The following KCNIP1 variants were observed in gnomAD, a reference collection of about 807,000 sequenced individuals.
The protein encoded by KCNIP1 is potassium voltage-gated channel interacting protein 1.
Under a neutral mutation model 33.0 loss-of-function variants are expected in KCNIP1, and 18 were observed. The ratio of observed to expected loss-of-function variants is 0.55; its 90% confidence interval spans 0.38 to 0.81. The LOEUF is 0.81. Among genes scored for constraint, KCNIP1 ranks in the 30% least tolerant of loss-of-function variants. KCNIP1 has a pLI of 0.00. For synonymous variants in KCNIP1, 93 were observed against 98.3 expected, an observed-to-expected ratio of 0.95 and a Z score of 0.32; for missense variants, 238 against 271.6, an observed-to-expected ratio of 0.88 and a Z score of 0.87.
At chr5:170,681,638 G>T (rs1456330815) in intron 1 of KCNIP1, among the ~76,000 whole-genome samples, 1 of 152,214 alleles carries the variant, frequency 6.6e-6, no homozygotes, top group Non-Finnish European at 1.5e-5. Flanking sequence ...CACAGTGTCT[G>T]ACAATTAGAA....
At chr5:170,563,043 T>C (rs929616107) in intron 1 of KCNIP1, among the ~76,000 whole-genome samples, 23 of 152,108 alleles carry the variant, frequency 1.5e-4, no homozygotes, top group Non-Finnish European at 8.8e-5. Context: ...CAGATCTAGT[T>C]CCCCTCGTAC....
chr5:170,370,180 C>T lies in KCNIP1; in HGVS notation c.88+16216C>T, dbSNP rs116999752. 8.7e-4 allele frequency among the ~76,000 whole-genome samples: 133 copies of T among 152,218 alleles called. 1 individual carries two copies. In the East Asian group the frequency reaches 0.025, roughly 28 times the overall value. On this transcript the variant is annotated intron_variant, in intron 1 of 7. Coordinates refer to the KCNIP1 transcript ENST00000377360. ...GAAGTTGCTAGTAAGAAAAAGACGG[C>T]AGGAGGTAGTTCTCTGAGCCCAAAT...
chr5:170,522,791 A>T (rs963159869), intron 1 of KCNIP1, among the ~76,000 whole-genome samples: 1 of 152,234 alleles, frequency 6.6e-6, no homozygotes, highest in Non-Finnish European at 1.5e-5. Context: ...ATTCTCCCTG[A>T]TCTCTGTAAG....
chr5:170,570,534 C>T (rs1411334262), intron 1 of KCNIP1, among the ~76,000 whole-genome samples: 1 of 152,206 alleles, frequency 6.6e-6, no homozygotes. Context: ...CTTGCTCTCA[C>T]CCCTTGTTCC....
At chr5:170,521,677 T>C (rs1388186573) in intron 1 of KCNIP1, among the ~76,000 whole-genome samples, 1 of 152,174 alleles carries the variant, frequency 6.6e-6, no homozygotes, top group Admixed American at 6.5e-5. Flanking sequence ...ACACAAGAGA[T>C]GGTGTTTGAA....
At chr5:170,546,153 G>A (rs1044640558) in intron 1 of KCNIP1, among the ~76,000 whole-genome samples, 15 of 152,184 alleles carry the variant, frequency 9.9e-5, no homozygotes, top group African/African-American at 3.6e-4. Context: ...GCTAGTCTCT[G>A]TCTCCTCAGC....
intron 5 of KCNIP1, among the ~76,000 whole-genome samples, chr5:170,725,825 A>G (rs1763986576): frequency 6.6e-6 from 1 of 152,170 alleles, no homozygotes; most frequent in African/African-American, 2.4e-5. Context: ...TAAAAAATAA[A>G]TATTTTTTAA....
In KCNIP1 at chr5:170,427,982, T is replaced by C. The variant is rs77103517; in HGVS notation, c.88+74018T>C. On this transcript the variant is annotated intron_variant, in intron 1 of 7. Transcript: ENST00000377360. ...GTGTTGTTAGATGTACAAGTGTGAT[T>C]TCCCCTTTCCAGAATGCCTTCCTCT... Among the ~76,000 whole-genome samples the C allele has an allele frequency of 9.8e-5, 15 of 152,306 alleles. No homozygotes were observed. The East Asian group carries it at 2.9e-3, about 29-fold the overall frequency.
At chr5:170,618,516 AAGGGAGGG>A (rs1237246088) in intron 1 of KCNIP1, among the ~76,000 whole-genome samples, 1 of 77,984 alleles carries the variant, frequency 1.3e-5, no homozygotes, top group Non-Finnish European at 2.3e-5. Context: ...AGGAGGAAGG[AAGGGAGGG>A]AGGGAGGGAG....
chr5:170,640,156 G>T (rs1334742462), intron 1 of KCNIP1, among the ~76,000 whole-genome samples: 8 of 152,204 alleles, frequency 5.3e-5, no homozygotes, highest in Non-Finnish European at 1.0e-4. Context: ...CAGAGCTGGG[G>T]AACAGGGAGG....
At chr5:170,614,670 C>T (rs1485910453) in intron 1 of KCNIP1, among the ~76,000 whole-genome samples, 1 of 152,140 alleles carries the variant, frequency 6.6e-6, no homozygotes, top group African/African-American at 2.4e-5. Flanking sequence ...TGCAATCAGC[C>T]CTATCAGATT....
intron 1 of KCNIP1, among the ~76,000 whole-genome samples, chr5:170,703,389 C>A (rs1414194805): frequency 1.5e-5 from 2 of 137,762 alleles, no homozygotes; most frequent in Non-Finnish European, 3.0e-5. Flanking sequence ...GGAATGTGGG[C>A]CTGGCATGGC....
intron 1 of KCNIP1, among the ~76,000 whole-genome samples, chr5:170,662,354 G>C (rs747371116): frequency 6.6e-6 from 1 of 152,120 alleles, no homozygotes; most frequent in African/African-American, 2.4e-5. Flanking sequence ...ATGACCCTCC[G>C]TCACTGAAGG....
In KCNIP1 at chr5:170,367,435, AAAGG is replaced by A. The variant is rs1278968238; in HGVS notation, c.88+13474_88+13477del. 1.5e-3 allele frequency among the ~76,000 whole-genome samples: 215 copies of A among 147,366 alleles called. 4 individuals carry two copies. In the East Asian group the frequency reaches 0.022, roughly 15 times the overall value. The stretch of plus-strand genomic sequence containing the variant: ...AAAGAAAGAAAGGAAAGAAAGAAAG[AAAGG>A]AAAGAAAGGAAAGAAAGAAAGAAAG... On this transcript the variant is annotated intron_variant, in intron 1 of 7. Coordinates refer to the KCNIP1 transcript ENST00000377360.
intron 1 of KCNIP1, among the ~76,000 whole-genome samples, chr5:170,379,825 A>T (rs182301950): frequency 6.6e-6 from 1 of 152,164 alleles, no homozygotes; most frequent in East Asian, 1.9e-4. Context: ...ATGGTGGTGT[A>T]CCTGTAGTCC....
At chr5:170,362,356 C>A (rs1347205950) in intron 1 of KCNIP1, among the ~76,000 whole-genome samples, 2 of 152,168 alleles carry the variant, frequency 1.3e-5, no homozygotes, top group Non-Finnish European at 2.9e-5. Flanking sequence ...GGGTAAGAAG[C>A]AACGAAGACA....
intron 1 of KCNIP1, among the ~76,000 whole-genome samples, chr5:170,529,032 T>C (rs1390910760): frequency 6.6e-6 from 1 of 152,220 alleles, no homozygotes; most frequent in Non-Finnish European, 1.5e-5. Flanking sequence ...CAGAACCTTT[T>C]CAGTTTCAAA....
At chr5:170,525,187 C>T (rs901263455) in intron 1 of KCNIP1, among the ~76,000 whole-genome samples, 1 of 152,166 alleles carries the variant, frequency 6.6e-6, no homozygotes, top group South Asian at 2.1e-4. Context: ...TAGCTGTGTC[C>T]GTAGGTGAGA....
intron 1 of KCNIP1, among the ~76,000 whole-genome samples, chr5:170,566,836 A>C (rs915424176): frequency 3.9e-5 from 6 of 152,234 alleles, no homozygotes; most frequent in African/African-American, 1.4e-4. Context: ...ATTAAAATGC[A>C]AATCATAAAC....
Sources: allele counts gnomAD v4.1 joint callset (sites outside exome capture counted in the v4.1 genomes callset), GRCh38; gene constraint gnomAD v4.1.1; transcripts MANE v1.5; gene names NCBI Gene and HGNC (gene_info 2026-07-23, HGNC 2026-07-21).